SPATA13: variants seen among roughly 807,000 people sequenced by gnomAD.
SPATA13 encodes the protein spermatogenesis associated 13.
Under a neutral mutation model 104.0 loss-of-function variants are expected in SPATA13, and 50 were observed. The ratio of observed to expected loss-of-function variants is 0.48; its 90% CI spans 0.38 to 0.61. The LOEUF is 0.61. SPATA13 is among the 20% of genes least tolerant of loss of function. The probability of loss-of-function intolerance (pLI) is 0.00; values close to 1 mark genes in which losing one functional copy is unlikely to be tolerated. For missense variants in SPATA13, 1,524 were observed against 1,690.6 expected, an observed-to-expected ratio of 0.90 and a Z score of 1.73; for synonymous variants, 606 against 667.5, an observed-to-expected ratio of 0.91 and a Z score of 1.42.
intron 3 of SPATA13, among the ~76,000 whole-genome samples, chr13:24,035,226 C>A (rs1011867102): frequency 1.3e-5 from 2 of 152,214 alleles, no homozygotes; most frequent in Non-Finnish European, 2.9e-5. Context: ...GCAATCTCAG[C>A]TCATTGCTAC....
intron 3 of SPATA13, among the ~76,000 whole-genome samples, chr13:24,104,258 T>G (rs182381612): frequency 6.6e-6 from 1 of 151,806 alleles, no homozygotes; most frequent in Admixed American, 6.6e-5. Context: ...TTTTGTTTTT[T>G]GGGTTTTTTT....
chr13:23,993,112 G>A (rs1875491184), intron 2 of SPATA13, among the ~76,000 whole-genome samples: 1 of 152,078 alleles, frequency 6.6e-6, no homozygotes, highest in South Asian at 2.1e-4. Context: ...CACAGTCTAA[G>A]TCGCTACATA....
chr13:24,002,072 G>A (rs754670236), intron 2 of SPATA13, among the ~76,000 whole-genome samples: 9 of 152,030 alleles, frequency 5.9e-5, no homozygotes, highest in African/African-American at 1.2e-4. Flanking sequence ...AGGGAGTGAC[G>A]AGAGGTCACT....
rs546329912 is a variant in SPATA13, at chr13:24,247,674, G to A, written c.1654-1803G>A. Among the ~76,000 whole-genome samples the A allele has an allele frequency of 5.9e-5, 9 of 152,038 alleles. No individual in the cohort carries two copies. In the South Asian group the frequency reaches 1.7e-3, roughly 28 times the overall value. ...ATTTTTTTGTATTTTAGTAGAGACAGGGTTTCACCATGTTGGCCAGCTGGT... is the reference window on the plus strand; with the variant it reads ...ATTTTTTTGTATTTTAGTAGAGACAAGGTTTCACCATGTTGGCCAGCTGGT... On this transcript the variant is annotated intron_variant, in intron 2 of 12. Transcript: ENST00000382108.
intron 11 of SPATA13, among the ~76,000 whole-genome samples, chr13:24,300,110 T>C (rs1200213217): frequency 6.6e-6 from 1 of 152,172 alleles, no homozygotes; most frequent in Non-Finnish European, 1.5e-5. Context: ...TGTGGGAATA[T>C]TTGCCCGGGA....
rs776542118 is a variant in SPATA13, at chr13:24,302,813, G to A, written c.*40G>A. ...GCTTCCATGGAGCTGGGTGTCAAGA[G>A]AAGAACTGTCTTTGTTTCTTGTGTG... On this transcript the variant is annotated 3_prime_UTR_variant, in exon 13 of 13. Transcript: ENST00000382108. 1.2e-6 allele frequency: 2 copies of A among 1,612,746 alleles called. No homozygotes were observed. Among genetic ancestry groups the A allele is most frequent in the Non-Finnish European group, 1.7e-6 (2 of 1,179,138 alleles).
chr13:24,148,670 G>C (rs9507259), intron 3 of SPATA13, among the ~76,000 whole-genome samples: 76,105 of 152,042 alleles, frequency 0.5, 19,741 homozygotes, highest in Admixed American at 0.6. Context: ...TCTCTGCAAG[G>C]AACTGGCTCA....
At chr13:24,220,785 C>T (rs1330507026) in intron 1 of SPATA13, among the ~76,000 whole-genome samples, 1 of 152,200 alleles carries the variant, frequency 6.6e-6, no homozygotes, top group African/African-American at 2.4e-5. Flanking sequence ...CTCTTTGACC[C>T]TTTACCTATG....
intron 4 of SPATA13, among the ~76,000 whole-genome samples, chr13:24,283,790 T>C (rs1173359376): frequency 2.0e-5 from 3 of 152,252 alleles, no homozygotes; most frequent in Non-Finnish European, 4.4e-5. Context: ...TCCTCAGCTT[T>C]CCAGCACATT....
chr13:24,185,724 G>GTTT lies in SPATA13; in HGVS notation c.-112+24801_-112+24803dup, dbSNP rs34688488. 2.6e-3 allele frequency among the ~76,000 whole-genome samples: 386 copies of GTTT among 148,436 alleles called. 1 individual carries two copies. The highest frequency in any genetic ancestry group is 4.4e-3 in the East Asian group (22 of 5,042). On this transcript the variant is annotated intron_variant, in intron 1 of 12. Transcript: ENST00000382108. ...CTTAGAACACATACAAATAGATGCA[G>GTTT]TTTTTTTTTTTCATGAGCCCTGTGT...
At chr13:24,019,378 A>G (rs1043289716) in intron 3 of SPATA13, among the ~76,000 whole-genome samples, 7 of 152,134 alleles carry the variant, frequency 4.6e-5, no homozygotes, top group Non-Finnish European at 7.4e-5. Context: ...GTGAGCCACC[A>G]CACCCGGCCA....
At chr13:23,980,168 G>C (rs767735600) in intron 1 of SPATA13, among the ~76,000 whole-genome samples, 4 of 152,122 alleles carry the variant, frequency 2.6e-5, no homozygotes, top group Admixed American at 6.5e-5. Context: ...CTCGGCGACA[G>C]AGCGAGACTC....
chr13:24,223,998 C>T lies in SPATA13; in HGVS notation c.1069C>T (p.Leu357=). The change falls in exon 2 of 13, where the codon CTG becomes TTG. Residue 357 remains leucine (L), a synonymous_variant. Transcript: ENST00000382108. ...ASLRLQAHSR[L]HDDYSRRVSR... is the part of the protein sequence containing the mutation. ...CCTGAGACTTCAGGCACACAGCCGGCTGCATGACGACTACTCCCGCCGCGT... is the reference window on the plus strand; with the variant it reads ...CCTGAGACTTCAGGCACACAGCCGGTTGCATGACGACTACTCCCGCCGCGT... 6.5e-7 allele frequency: 1 copy of T among 1,548,700 alleles called. No individual in the cohort carries two copies. The highest frequency in any genetic ancestry group is 8.7e-7 in the Non-Finnish European group (1 of 1,145,332).
At chr13:24,288,832 C>T (rs1334247834) in intron 7 of SPATA13, among the ~76,000 whole-genome samples, 167 bp from the exon 8 acceptor site, 1 of 152,154 alleles carries the variant, frequency 6.6e-6, no homozygotes, top group Non-Finnish European at 1.5e-5. Context: ...TTTAAAACAC[C>T]TATGGCAAAT....
intron 3 of SPATA13, among the ~76,000 whole-genome samples, chr13:24,116,870 G>A (rs1380942390): frequency 1.3e-5 from 2 of 151,672 alleles, no homozygotes; most frequent in East Asian, 1.9e-4. Flanking sequence ...TGGCATTAAT[G>A]CCATCAGGTG....
At chr13:24,210,956 C>T (rs1393195784) in intron 1 of SPATA13, among the ~76,000 whole-genome samples, 2 of 152,040 alleles carry the variant, frequency 1.3e-5, no homozygotes, top group Non-Finnish European at 2.9e-5. Flanking sequence ...AGATCTTTCA[C>T]CTCCTTGATT....
intron 1 of SPATA13, among the ~76,000 whole-genome samples, chr13:24,179,287 A>G (rs989513802): frequency 2.6e-5 from 4 of 152,140 alleles, no homozygotes; most frequent in Non-Finnish European, 5.9e-5. Context: ...TCTTGGGCAT[A>G]TACCTATGCG....
intron 2 of SPATA13, among the ~76,000 whole-genome samples, chr13:24,003,750 G>A (rs1421149918): frequency 3.3e-5 from 5 of 151,960 alleles, no homozygotes; most frequent in East Asian, 3.9e-4. Flanking sequence ...TTGTCTTTAC[G>A]TTATACATCA....
At chr13:24,155,758 A>G (rs1283227430), upstream of SPATA13, among the ~76,000 whole-genome samples, 2 of 152,216 alleles carry the variant, frequency 1.3e-5, no homozygotes, top group African/African-American at 4.8e-5. Flanking sequence ...TCATATTGTT[A>G]TGCAACCGTC....
Sources: gnomAD v4.1 joint callset for allele counts (sites outside exome capture counted in the v4.1 genomes callset) on GRCh38, gnomAD v4.1.1 for gene constraint, MANE v1.5 for transcripts, NCBI Gene and HGNC (gene_info 2026-07-23, HGNC 2026-07-21) for gene names.